CCDC191: variants seen among roughly 807,000 people sequenced by gnomAD.
The protein encoded by CCDC191 is coiled-coil domain containing 191.
In CCDC191, 99 loss-of-function variants were observed where a neutral mutation model predicts 114.0. The ratio of observed to expected loss-of-function variants is 0.87; its 90% CI spans 0.74 to 1.03. The LOEUF (loss-of-function observed/expected upper bound fraction) is 1.03. Among genes scored for constraint, CCDC191 ranks in the 50% least tolerant of loss-of-function variants. The pLI, the probability that CCDC191 is intolerant of heterozygous loss-of-function variation, is 0.00. For synonymous variants in CCDC191, 351 were observed against 376.0 expected (o/e 0.93, Z 0.77); for missense variants, 973 against 1,087.0 (o/e 0.90, Z 1.47).
At chr3:114,012,560 AC>A (rs2076088817) in intron 8 of CCDC191, among the ~76,000 whole-genome samples, 1 of 152,238 alleles carries the variant, frequency 6.6e-6, no homozygotes, top group African/African-American at 2.4e-5. Flanking sequence ...AGATAGCAAC[AC>A]AGGTAAGAAC....
chr3:114,017,102 CTTTTTTT>C (rs374809107), intron 8 of CCDC191, among the ~76,000 whole-genome samples: 3 of 136,492 alleles, frequency 2.2e-5, no homozygotes, highest in Admixed American at 7.4e-5. Context: ...CAAGGATTCA[CTTTTTTT>C]TTTTTTTTTT....
At chr3:113,998,306 C>CA (rs61430954) in intron 13 of CCDC191, among the ~76,000 whole-genome samples, 2,701 of 82,358 alleles carry the variant, frequency 0.033, 53 homozygotes, top group South Asian at 0.054. Context: ...AACTCTGCTT[C>CA]AAAAAAAAAA....
In CCDC191 at chr3:114,042,824, C is replaced by G; in HGVS notation, c.294G>C (p.Trp98Cys). The G allele has an allele frequency of 6.2e-7, 1 of 1,602,612 alleles. No homozygotes were observed. Among genetic ancestry groups the G allele is most frequent in the Non-Finnish European group, 8.5e-7 (1 of 1,176,146 alleles). Reference protein sequence around the residue: ...YAEAQELVNDWLDTKLKQELA... With the variant: ...YAEAQELVNDCLDTKLKQELA... ...ATTCTTGCTTAAGTTTGGTGTCTAA[C>G]CAGTCATTGACCAGCTCCTGAGCTA... Residue 98 changes from tryptophan (W) to cysteine (C), a missense_variant, in exon 4 of 17, where the codon TGG (tryptophan) becomes TGC (cysteine). Coordinates refer to ENST00000295878, the MANE Select transcript of CCDC191 (RefSeq NM_020817.2).
At chr3:113,979,323 A>G (rs541635166) in intron 14 of CCDC191, among the ~76,000 whole-genome samples, 30 of 152,334 alleles carry the variant, frequency 2.0e-4, no homozygotes, top group African/African-American at 5.3e-4. Context: ...GTAGCTGGCA[A>G]CATTCTCAAT....
chr3:114,029,116 T>C lies in CCDC191; in HGVS notation c.972+2510A>G, dbSNP rs570898732. Among the ~76,000 whole-genome samples, 5 of 152,236 alleles carry C rather than the reference T, an allele frequency of 3.3e-5. No homozygotes were observed. The South Asian group carries it at 1.0e-3, about 32-fold the overall frequency. Reference sequence around the variant, plus strand: ...CAACAAAAGGAATCAAAGTTCCATGTAGAAGTGGTTGATTCTAGGGTGAGG... The same window carrying C: ...CAACAAAAGGAATCAAAGTTCCATGCAGAAGTGGTTGATTCTAGGGTGAGG... On this transcript the variant is annotated intron_variant, in intron 7 of 16. Coordinates refer to ENST00000295878, the MANE Select transcript of CCDC191 (RefSeq NM_020817.2).
rs78475144 is a variant in CCDC191 at position 114,055,149 on chromosome 3, C to A, written c.90+1228G>T. Among the ~76,000 whole-genome samples, 105 of 152,302 alleles carry A rather than the reference C, an allele frequency of 6.9e-4. 1 individual carries two copies. In the East Asian group the frequency reaches 7.7e-3, roughly 11 times the overall value. ...CTTACTGATAACTAACGCAGCTGTA[C>A]TGCTTAATAATTTTGTCACTGCAAC... On this transcript the variant is annotated intron_variant, in intron 1 of 16. Transcript: ENST00000295878.
intron 7 of CCDC191, among the ~76,000 whole-genome samples, chr3:114,029,788 G>A (rs1022442732): frequency 6.6e-6 from 1 of 151,846 alleles, no homozygotes; most frequent in African/African-American, 2.4e-5. Flanking sequence ...CTTAAGCAAG[G>A]GGGAGAAAAC....
At chr3:113,997,815 T>C (rs1266701323) in intron 13 of CCDC191, among the ~76,000 whole-genome samples, 1 of 152,174 alleles carries the variant, frequency 6.6e-6, no homozygotes, top group Non-Finnish European at 1.5e-5. Flanking sequence ...AAAATTCCTA[T>C]TGCCCAGTGA....
intron 2 of CCDC191, among the ~76,000 whole-genome samples, chr3:114,051,354 C>T (rs1039959057): frequency 6.6e-6 from 1 of 152,150 alleles, no homozygotes; most frequent in Non-Finnish European, 1.5e-5. Context: ...CTTACTGCAT[C>T]CTCGAACCCC....
At chr3:114,006,319 C>T (rs773619221) in intron 9 of CCDC191, among the ~76,000 whole-genome samples, 6 of 151,746 alleles carry the variant, frequency 4.0e-5, no homozygotes, top group Admixed American at 1.3e-4. Context: ...CATGGTGGTA[C>T]GCACCTGTAA....
At chr3:114,031,834 C>T in intron 6 of CCDC191, 55 bp from the exon 7 acceptor site, 1 of 766,700 alleles carries the variant, frequency 1.3e-6, no homozygotes, top group Non-Finnish European at 2.1e-6. Flanking sequence ...TAAAAATGAG[C>T]AATTACAACC....
At chr3:113,995,240 C>G (rs2075688114) in intron 13 of CCDC191, among the ~76,000 whole-genome samples, 1 of 152,110 alleles carries the variant, frequency 6.6e-6, no homozygotes, top group African/African-American at 2.4e-5. Flanking sequence ...GATGGGTACA[C>G]TAAAGCCCAG....
Position 113,976,440 on chromosome 3 carries a change from C to T in CCDC191, c.2606+1746G>A, listed in dbSNP as rs1941355225. Among the ~76,000 whole-genome samples the T allele has an allele frequency of 2.0e-5, 3 of 152,022 alleles. No homozygotes were observed. The South Asian group carries it at 6.2e-4, about 32-fold the overall frequency. On this transcript the variant is annotated intron_variant, in intron 16 of 16. Transcript: ENST00000295878. ...ATACCTTGACAATTCACCTACCTGCCTGTTGCTTATTTCTTTGCCTGAAAA... is the reference window on the plus strand; with the variant it reads ...ATACCTTGACAATTCACCTACCTGCTTGTTGCTTATTTCTTTGCCTGAAAA...
chr3:113,975,958 T>G lies in CCDC191; in HGVS notation c.2606+2228A>C, dbSNP rs539090998. Among the ~76,000 whole-genome samples the G allele has an allele frequency of 2.0e-5, 3 of 152,248 alleles. No individual in the cohort carries two copies. The South Asian group carries it at 6.2e-4, about 32-fold the overall frequency. ...CTAAATAGGATGACTATCTTACTAT[T>G]TTATAGTCTAAAAATGAGGCCAGGC... On this transcript the variant is annotated intron_variant, in intron 16 of 16. Transcript: ENST00000295878.
At chr3:114,053,180 T>C (rs1228779805) in intron 2 of CCDC191, among the ~76,000 whole-genome samples, 1 of 152,218 alleles carries the variant, frequency 6.6e-6, no homozygotes, top group African/African-American at 2.4e-5. Flanking sequence ...CAGTCCACTT[T>C]TGGATGGACT....
chr3:113,994,227 A>G (rs1414154198), intron 13 of CCDC191, among the ~76,000 whole-genome samples: 2 of 152,246 alleles, frequency 1.3e-5, no homozygotes. Flanking sequence ...AAAATGGACA[A>G]AAGATCTGAA....
At chr3:113,978,488 CT>C (rs2075015877) in intron 15 of CCDC191, 157 bp from the exon 16 acceptor site, 3 of 714,098 alleles carry the variant, frequency 4.2e-6, no homozygotes, top group East Asian at 2.7e-5. Flanking sequence ...AGAAAATATC[CT>C]CTATAATGTA....
At chr3:113,995,557 C>T (rs1004707367) in intron 13 of CCDC191, among the ~76,000 whole-genome samples, 1 of 152,132 alleles carries the variant, frequency 6.6e-6, no homozygotes, top group African/African-American at 2.4e-5. Context: ...AAAATAGGTG[C>T]TGACCTAGGG....
chr3:114,027,004 T>C (rs1008530863), intron 7 of CCDC191, among the ~76,000 whole-genome samples: 2 of 152,188 alleles, frequency 1.3e-5, no homozygotes, highest in Non-Finnish European at 2.9e-5. Context: ...AAGAAGGCCA[T>C]TTTCCAAATA....
Sources: gnomAD v4.1 joint callset for allele counts (sites outside exome capture counted in the v4.1 genomes callset) on GRCh38, gnomAD v4.1.1 for gene constraint, MANE v1.5 for transcripts, NCBI Gene and HGNC (gene_info 2026-07-23, HGNC 2026-07-21) for gene names.